ADCY5: variants seen among roughly 807,000 people sequenced by gnomAD.
ADCY5 encodes the protein adenylate cyclase type 5.
In ADCY5, 30 loss-of-function variants were observed where a neutral mutation model predicts 119.7. That is an observed-to-expected ratio of 0.25 (90% CI 0.19 to 0.34). The LOEUF is 0.34. Ranked by LOEUF, ADCY5 falls within the 10% of genes least tolerant of loss-of-function variation. ADCY5 has a pLI of 1.00. For missense variants in ADCY5, 1,324 were observed against 1,775.2 expected (o/e 0.75, Z 4.57); for synonymous variants, 753 against 762.2 (o/e 0.99, Z 0.20).
intron 1 of ADCY5, among the ~76,000 whole-genome samples, chr3:123,398,669 C>T (rs1300817584): frequency 6.6e-6 from 1 of 152,156 alleles, no homozygotes; most frequent in African/African-American, 2.4e-5. Context: ...AACCCTAGGT[C>T]CTCACCATTC....
intron 1 of ADCY5, among the ~76,000 whole-genome samples, chr3:123,396,819 C>A (rs147066833): frequency 0.19 from 11,250 of 57,724 alleles, 1,042 homozygotes; most frequent in Middle Eastern, 0.26. Context: ...GGCAGGCAGG[C>A]GAGAGAGAGA....
At chr3:123,428,621 T>C (rs1945458760) in intron 1 of ADCY5, among the ~76,000 whole-genome samples, 1 of 152,222 alleles carries the variant, frequency 6.6e-6, no homozygotes, top group South Asian at 2.1e-4. Context: ...TAGAAACTTC[T>C]GTCTCTCAGA....
intron 1 of ADCY5, among the ~76,000 whole-genome samples, chr3:123,396,399 A>AGAAAG (rs1176327811): frequency 3.0e-4 from 38 of 126,046 alleles, no homozygotes; most frequent in African/African-American, 1.2e-3. Context: ...AAGAGAGAAA[A>AGAAAG]AGAAAGAGAA....
chr3:123,391,840 G>A (rs183551829), intron 1 of ADCY5, among the ~76,000 whole-genome samples: 17 of 152,244 alleles, frequency 1.1e-4, no homozygotes, highest in African/African-American at 3.1e-4. Flanking sequence ...TAGTCCCACC[G>A]GCTAACAGTT....
chr3:123,328,925 C>A, intron 5 of ADCY5, 123 bp from the exon 6 acceptor site: 1 of 1,071,088 alleles, frequency 9.3e-7, no homozygotes. Flanking sequence ...CTCTCCCATC[C>A]AGCCCTAGAG....
intron 1 of ADCY5, among the ~76,000 whole-genome samples, chr3:123,379,707 C>T (rs1943964434): frequency 6.6e-6 from 1 of 152,030 alleles, no homozygotes; most frequent in South Asian, 2.1e-4. Flanking sequence ...GTGGGGAGGC[C>T]TCACAGTGCT....
At chr3:123,325,261 G>C in intron 8 of ADCY5, 61 bp downstream of exon 8, 1 of 1,588,616 alleles carries the variant, frequency 6.3e-7, no homozygotes, top group Non-Finnish European at 8.6e-7. Flanking sequence ...CGGGCCTCAT[G>C]CCCACAGAAG....
Position 123,319,036 on chromosome 3 carries a change from C to T in ADCY5, c.2256+638G>A, listed in dbSNP as rs142765886. 5.9e-3 allele frequency among the ~76,000 whole-genome samples: 897 copies of T among 152,300 alleles called. 10 individuals are homozygous for T. The highest frequency in any genetic ancestry group is 0.01 in the Middle Eastern group (3 of 294). On this transcript the variant is annotated intron_variant, in intron 10 of 20. Transcript: ENST00000462833. Reference sequence around the variant, plus strand: ...ATAGCAACTAATATGCACCGAACGCCTACTATGCGACAGATACTGTTTCAT... The same window carrying T: ...ATAGCAACTAATATGCACCGAACGCTTACTATGCGACAGATACTGTTTCAT...
rs771735788 is a variant in ADCY5 at position 123,303,082 on chromosome 3, G to A, written c.2697C>T (p.Ser899=). Reference sequence around the variant, plus strand: ...CGGGGAAGTTGCAGTTGGGCCAGGGGCTGCCACAGAAGCCCTGCTCATCGC... The same window carrying A: ...CGGGGAAGTTGCAGTTGGGCCAGGGACTGCCACAGAAGCCCTGCTCATCGC... The part of the protein sequence containing the change: ...SLGDEQGFCG[S]PWPNCNFPEY... Residue 899 remains serine, a synonymous_variant, in exon 14 of 21, where the codon AGC becomes AGT. Coordinates refer to ENST00000462833, the MANE Select transcript of ADCY5 (RefSeq NM_183357.3). 1 of 1,613,152 alleles carries A rather than the reference G, an allele frequency of 6.2e-7. No homozygotes were observed. The highest frequency in any genetic ancestry group is 8.5e-7 in the Non-Finnish European group (1 of 1,180,002).
At position 123,382,909 on chromosome 3, in the gene ADCY5, G is replaced by C. The variant is rs79790182; in HGVS notation, c.1135-30328C>G. On this transcript the variant is annotated intron_variant, in intron 1 of 20. Coordinates refer to ENST00000462833, the MANE Select transcript of ADCY5 (RefSeq NM_183357.3). ...AAAACGGTTACAAGATAAATTTTATGTCATATGCATTTTATGACAAAATAA... is the reference window on the plus strand; with the variant it reads ...AAAACGGTTACAAGATAAATTTTATCTCATATGCATTTTATGACAAAATAA... 6.3e-4 allele frequency among the ~76,000 whole-genome samples: 96 copies of C among 152,314 alleles called. No individual in the cohort carries two copies. The East Asian group carries it at 0.016, about 26-fold the overall frequency.
At chr3:123,398,649 C>G (rs1422921975) in intron 1 of ADCY5, among the ~76,000 whole-genome samples, 4 of 152,186 alleles carry the variant, frequency 2.6e-5, no homozygotes, top group Non-Finnish European at 5.9e-5. Context: ...TACACACACA[C>G]TCCAACCTCA....
intron 1 of ADCY5, among the ~76,000 whole-genome samples, chr3:123,414,232 T>G (rs1945131327): frequency 6.6e-6 from 1 of 152,204 alleles, no homozygotes; most frequent in African/African-American, 2.4e-5. Flanking sequence ...ATGGCCCTCC[T>G]GCCAGCCCCT....
At chr3:123,318,256 G>T in intron 10 of ADCY5, 139 bp from the exon 11 acceptor site, 1 of 634,474 alleles carries the variant, frequency 1.6e-6, no homozygotes, top group Non-Finnish European at 2.8e-6. Context: ...GAAGACTCGA[G>T]AACCAGAGTC....
chr3:123,392,993 T>C (rs1944439992), intron 1 of ADCY5, among the ~76,000 whole-genome samples: 1 of 152,188 alleles, frequency 6.6e-6, no homozygotes, highest in South Asian at 2.1e-4. Flanking sequence ...TGCACTGAGC[T>C]GAGACAATGG....
intron 1 of ADCY5, among the ~76,000 whole-genome samples, chr3:123,387,126 A>G (rs1576652521): frequency 6.6e-6 from 1 of 152,250 alleles, no homozygotes. Flanking sequence ...TGGTACAAAT[A>G]TAACAACCCA....
intron 19 of ADCY5, 39 bp downstream of exon 19, chr3:123,289,711 C>T: frequency 6.2e-7 from 1 of 1,606,622 alleles, no homozygotes; most frequent in Non-Finnish European, 8.5e-7. Flanking sequence ...CTCTGCCTGA[C>T]TGCACCCTGG....
chr3:123,442,830 C>T (rs1413092732), intron 1 of ADCY5, among the ~76,000 whole-genome samples: 1 of 152,066 alleles, frequency 6.6e-6, no homozygotes, highest in Non-Finnish European at 1.5e-5. Context: ...GAGAAAGAGG[C>T]GATCTAATAA....
intron 15 of ADCY5, 64 bp downstream of exon 15, chr3:123,300,056 T>C: frequency 6.4e-7 from 1 of 1,562,330 alleles, no homozygotes; most frequent in Non-Finnish European, 8.8e-7. Flanking sequence ...CTAAACCTCC[T>C]GCTCTTGCCA....
Position 123,291,210 on chromosome 3 carries a change from A to G in ADCY5, c.3230T>C (p.Ile1077Thr). Residue 1077 changes from isoleucine (I) to threonine (T), a missense_variant, in exon 18 of 21, where the codon ATC (isoleucine) becomes ACC (threonine). By Grantham distance (89) the Ile-to-Thr change is moderately conservative. Transcript: ENST00000462833. ...AACGTAGAACTCGGAGAAGTTGGCG[A>G]TGGAGGCGAACATGACCGCCACACA... ...CECVAVMFASIANFSEFYVEL... is the reference protein window; with the variant it reads ...CECVAVMFASTANFSEFYVEL... The G allele has an allele frequency of 6.2e-7, 1 of 1,614,034 alleles. No homozygotes were observed. The highest frequency in any genetic ancestry group is 8.5e-7 in the Non-Finnish European group (1 of 1,180,026).
Sources: allele counts gnomAD v4.1 joint callset (sites outside exome capture counted in the v4.1 genomes callset), GRCh38; gene constraint gnomAD v4.1.1; transcripts MANE v1.5; gene names NCBI Gene and HGNC (gene_info 2026-07-23, HGNC 2026-07-21).